PITPNM3: variants seen among roughly 807,000 people sequenced by gnomAD.
PITPNM3 encodes the protein membrane-associated phosphatidylinositol transfer protein 3.
PITPNM3 carries 26 observed loss-of-function variants against 102.0 expected under a neutral mutation model. That is an observed-to-expected ratio of 0.25 (90% CI 0.19 to 0.35). PITPNM3 has a LOEUF of 0.35. Among genes scored for constraint, PITPNM3 ranks in the 10% least tolerant of loss-of-function variants. The pLI is 1.00. For synonymous variants in PITPNM3, 578 were observed against 558.6 expected (o/e 1.03, Z -0.49); for missense variants, 1,083 against 1,346.1 (o/e 0.80, Z 3.06).
At chr17:6,519,777 C>T (rs1908406217) in intron 3 of PITPNM3, among the ~76,000 whole-genome samples, 1 of 151,810 alleles carries the variant, frequency 6.6e-6, no homozygotes, top group South Asian at 2.1e-4. Flanking sequence ...TTGCAGTGAG[C>T]CAAGATCACA....
At chr17:6,555,933 G>T (rs1910577843) in intron 1 of PITPNM3, among the ~76,000 whole-genome samples, 1 of 152,132 alleles carries the variant, frequency 6.6e-6, no homozygotes, top group Admixed American at 6.5e-5. Context: ...AGCTGGTGAC[G>T]GGGGCTGGGG....
intron 2 of PITPNM3, among the ~76,000 whole-genome samples, chr17:6,536,725 C>T (rs951083729): frequency 1.3e-5 from 2 of 152,214 alleles, no homozygotes; most frequent in African/African-American, 4.8e-5. Flanking sequence ...CCAAGTGTCC[C>T]GCTCTGGGTA....
rs1364129080 is a variant in PITPNM3 at position 6,472,695 on chromosome 17, T to C, written c.1391A>G (p.Gln464Arg). 6.2e-7 allele frequency: 1 copy of C among 1,613,726 alleles called. No individual in the cohort carries two copies. The highest frequency in any genetic ancestry group is 8.5e-7 in the Non-Finnish European group (1 of 1,179,944). ...CTGCCCATCGCCCAGTGGGAACCTC[T>C]GGTAGCGAGGCACGCTGACAGGCGG... Reference protein sequence around the residue: ...LVPPVSVPRYQRFPLGDGQSL... With the variant: ...LVPPVSVPRYRRFPLGDGQSL... The change falls in exon 11 of 20, where the codon CAG (glutamine) becomes CGG (arginine). Residue 464 changes from glutamine to arginine, a missense_variant. Physicochemically the swap from Gln to Arg is conservative, Grantham distance 43. Around this residue, in one of 5 missense-constraint regions of PITPNM3, gnomAD observed 410 missense variants for 638.4 expected, o/e 0.64. Transcript: ENST00000262483. This position sits in a 1 kb window ranked among gnomAD's most constrained non-coding sequence, Gnocchi z 4.1.
Position 6,458,611 on chromosome 17 carries a change from T to C in PITPNM3, c.2491-889A>G, listed in dbSNP as rs1010086848. 7.9e-5 allele frequency among the ~76,000 whole-genome samples: 12 copies of C among 152,234 alleles called. No homozygotes were observed. Among genetic ancestry groups the C allele is most frequent in the African/African-American group, 2.2e-4 (9 of 41,532 alleles). On this transcript the variant is annotated intron_variant, in intron 18 of 19. Transcript: ENST00000262483. The surrounding 1 kb of genome is among the most constrained non-coding windows in gnomAD (Gnocchi z 5.1). The stretch of plus-strand genomic sequence containing the variant: ...ACATGTCCGCTCCGCTCAGGGCTTC[T>C]GCCCCCTCCCCACCACTTCTCCGCC...
intron 3 of PITPNM3, among the ~76,000 whole-genome samples, chr17:6,522,770 T>C (rs190032317): frequency 6.6e-6 from 1 of 152,282 alleles, no homozygotes; most frequent in African/African-American, 2.4e-5. Flanking sequence ...CGGATCTTCC[T>C]TTCCCCAAGA....
At chr17:6,513,928 C>T (rs959351774) in intron 3 of PITPNM3, among the ~76,000 whole-genome samples, 1 of 152,220 alleles carries the variant, frequency 6.6e-6, no homozygotes, top group Non-Finnish European at 1.5e-5. Context: ...TTAACATATA[C>T]ACCTGAGTGG....
intron 1 of PITPNM3, among the ~76,000 whole-genome samples, chr17:6,543,821 C>T (rs764655424): frequency 2.0e-5 from 3 of 151,992 alleles, no homozygotes; most frequent in African/African-American, 4.8e-5. Flanking sequence ...AGAGGGTTTC[C>T]GGGGGAGGGG....
At chr17:6,531,948 C>CA (rs1047084385) in intron 2 of PITPNM3, among the ~76,000 whole-genome samples, 12 of 151,844 alleles carry the variant, frequency 7.9e-5, no homozygotes, top group Admixed American at 3.3e-4. Flanking sequence ...ACTAAAAATA[C>CA]AAAAAAAATC....
chr17:6,529,087 C>G (rs897803182), intron 2 of PITPNM3, among the ~76,000 whole-genome samples: 2 of 152,152 alleles, frequency 1.3e-5, no homozygotes, highest in Admixed American at 1.3e-4. Flanking sequence ...GTACTTCACC[C>G]TACTGAGACC....
intron 2 of PITPNM3, among the ~76,000 whole-genome samples, chr17:6,528,550 C>T (rs1437002804): frequency 2.0e-5 from 3 of 151,752 alleles, no homozygotes; most frequent in Non-Finnish European, 4.4e-5. Context: ...TGAGTGTGTA[C>T]ATGCATGTGT....
chr17:6,541,286 A>AGTGTGTGTGT (rs113549938), intron 1 of PITPNM3, among the ~76,000 whole-genome samples: 2,281 of 145,678 alleles, frequency 0.016, 47 homozygotes, highest in Admixed American at 0.055. Flanking sequence ...ATATGCTAAG[A>AGTGTGTGTGT]GTGTGTGTGT....
At position 6,478,501 on chromosome 17, in the gene PITPNM3, G is replaced by A; in HGVS notation, c.777+46C>T. Reference sequence around the variant, plus strand: ...GATTCCAGCCTCTCTCCCAGGCCGGGGCCGGAACAGGGGAGGGGAGAGGAG... The same window carrying A: ...GATTCCAGCCTCTCTCCCAGGCCGGAGCCGGAACAGGGGAGGGGAGAGGAG... On this transcript the variant is annotated intron_variant, in intron 7 of 19. Transcript: ENST00000262483. This position sits in a 1 kb window ranked among gnomAD's most constrained non-coding sequence, Gnocchi z 4.4. 1.2e-6 allele frequency: 2 copies of A among 1,605,178 alleles called. No homozygotes were observed. Among genetic ancestry groups the A allele is most frequent in the African/African-American group, 1.3e-5 (1 of 74,876 alleles).
Position 6,556,105 on chromosome 17 carries a change from G to T in PITPNM3, c.22+280C>A, listed in dbSNP as rs908491643. Among the ~76,000 whole-genome samples the T allele has an allele frequency of 3.9e-5, 6 of 152,066 alleles. No individual in the cohort carries two copies. Among genetic ancestry groups the T allele is most frequent in the Non-Finnish European group, 8.8e-5 (6 of 67,962 alleles). ...CGCGGGGTGCAGAGGGCTCCCAACG[G>T]CGGGACTGGCCCGGGGCGCCGCAGA... On this transcript the variant is annotated intron_variant, in intron 1 of 19. Coordinates refer to ENST00000262483, the MANE Select transcript of PITPNM3 (RefSeq NM_031220.4). The surrounding 1 kb of genome is among the most constrained non-coding windows in gnomAD (Gnocchi z 5.2).
At position 6,461,331 on chromosome 17, in the gene PITPNM3, G is replaced by A. The variant is rs767061436; in HGVS notation, c.2490+42C>T. ...GGGGAGCGGTGGAGAGGAGGGCTGCGCTCTCAAGCCATGGAGTCCCCACCC... is the reference window on the plus strand; with the variant it reads ...GGGGAGCGGTGGAGAGGAGGGCTGCACTCTCAAGCCATGGAGTCCCCACCC... On this transcript the variant is annotated intron_variant, in intron 18 of 19. Coordinates refer to ENST00000262483, the MANE Select transcript of PITPNM3 (RefSeq NM_031220.4). 33 of 1,594,838 alleles carry A rather than the reference G, an allele frequency of 2.1e-5. No individual in the cohort carries two copies. The South Asian group carries it at 2.1e-4, about 10-fold the overall frequency.
chr17:6,552,055 T>C (rs565224668), intron 1 of PITPNM3, among the ~76,000 whole-genome samples: 1 of 152,300 alleles, frequency 6.6e-6, no homozygotes, highest in African/African-American at 2.4e-5. Context: ...TATCGAAATG[T>C]TCCCTCCCAT....
intron 3 of PITPNM3, among the ~76,000 whole-genome samples, chr17:6,504,770 C>T (rs940131441): frequency 2.0e-5 from 3 of 152,230 alleles, no homozygotes; most frequent in Non-Finnish European, 2.9e-5. Flanking sequence ...ACGAACCATG[C>T]ACCCTTGGGC....
At chr17:6,463,546 A>C (rs1434457640) in intron 17 of PITPNM3, among the ~76,000 whole-genome samples, 186 bp downstream of exon 17, 1 of 149,854 alleles carries the variant, frequency 6.7e-6, no homozygotes, top group Non-Finnish European at 1.5e-5. Context: ...AGGTCTAGAA[A>C]GCAGGAGAAA....
rs79182747 is a variant in PITPNM3 at position 6,550,295 on chromosome 17, C to G, written c.22+6090G>C. ...GCCCTAGATATTTAACCCTACTGGG[C>G]CTCAGTGTCTCATTCATAAAATGGG... is the stretch of plus-strand genomic sequence containing the variant. On this transcript the variant is annotated intron_variant, in intron 1 of 19. Coordinates refer to ENST00000262483, the MANE Select transcript of PITPNM3 (RefSeq NM_031220.4). Among the ~76,000 whole-genome samples, 308 of 152,318 alleles carry G rather than the reference C, an allele frequency of 2.0e-3. 8 individuals are homozygous for G. In the East Asian group the frequency reaches 0.048, roughly 24 times the overall value.
chr17:6,485,002 G>A (rs867391546), intron 4 of PITPNM3, among the ~76,000 whole-genome samples: 6 of 152,010 alleles, frequency 3.9e-5, no homozygotes, highest in South Asian at 2.1e-4. Context: ...TTTCTCCCCC[G>A]GTTCTCTGGC....
Sources: allele counts gnomAD v4.1 joint callset (sites outside exome capture counted in the v4.1 genomes callset), GRCh38; gene constraint gnomAD v4.1.1; regional missense constraint gnomAD v4.1.1; non-coding constraint Gnocchi (gnomAD v3.1); transcripts MANE v1.5; gene names NCBI Gene and HGNC (gene_info 2026-07-23, HGNC 2026-07-21).